The following PUS7L variants were observed in gnomAD, a reference collection of about 807,000 sequenced individuals.
PUS7L encodes pseudouridine synthase 7 like.
PUS7L carries 49 observed loss-of-function variants against 51.1 expected under a neutral mutation model. That is an observed-to-expected ratio of 0.96 (90% CI 0.76 to 1.22). PUS7L has a LOEUF of 1.22. Among genes scored for constraint, PUS7L ranks in the 50% most tolerant of loss-of-function variants. The probability of loss-of-function intolerance (pLI) is 0.00; values close to 1 mark genes in which losing one functional copy is unlikely to be tolerated. For synonymous variants in PUS7L, 277 were observed against 276.2 expected, an observed-to-expected ratio of 1.00 and a Z score of -0.03; for missense variants, 828 against 820.6, an observed-to-expected ratio of 1.01 and a Z score of -0.11.
intron 6 of PUS7L, among the ~76,000 whole-genome samples, chr12:43,737,345 A>G (rs975590117): frequency 9.9e-5 from 15 of 152,262 alleles, no homozygotes; most frequent in African/African-American, 3.4e-4. Context: ...TAAATTACTC[A>G]TAAGAGTTAG....
At chr12:43,751,382 G>A (rs1293940879) in intron 2 of PUS7L, among the ~76,000 whole-genome samples, 7 of 127,672 alleles carry the variant, frequency 5.5e-5, no homozygotes, top group East Asian at 2.3e-4. Context: ...AGTGTGTGAC[G>A]TTCCCCTTCC....
chr12:43,738,197 T>C, intron 6 of PUS7L, 113 bp downstream of exon 6: 2 of 696,196 alleles, frequency 2.9e-6, no homozygotes, highest in Non-Finnish European at 5.2e-6. Context: ...TAATATACTA[T>C]AATTTATTTC....
chr12:43,719,018 T>C lies in PUS7L; in HGVS notation c.*11358A>G, dbSNP rs1944364453. 6.6e-6 allele frequency: 1 copy of C among 151,312 alleles called. No homozygotes were observed. Among genetic ancestry groups the C allele is most frequent in the South Asian group, 2.1e-4 (1 of 4,806 alleles). 9.4% of individuals were successfully genotyped at this position (151,312 alleles called of 1,614,324 possible). On this transcript the variant is annotated 3_prime_UTR_variant, in exon 9 of 9. Transcript: ENST00000344862. ...ATGTTTTATAATATTTATTCTTGCATTCTAAAAAATTTGATACATAACAAT... is the reference window on the plus strand; with the variant it reads ...ATGTTTTATAATATTTATTCTTGCACTCTAAAAAATTTGATACATAACAAT...
rs765371884 is a variant in PUS7L, at chr12:43,724,132, G to T, written c.*6244C>A. 1.3e-5 allele frequency: 2 copies of T among 151,880 alleles called. No homozygotes were observed. The highest frequency in any genetic ancestry group is 2.9e-5 in the Non-Finnish European group (2 of 67,920). The allele number at this position is 151,880 out of a possible 1,614,324, so 9.4% of individuals were successfully genotyped here. A position where few individuals can be genotyped will look rare whatever the true frequency, so the allele number is the denominator to read the frequency against. On this transcript the variant is annotated 3_prime_UTR_variant, in exon 9 of 9. Transcript: ENST00000344862. ...TTCCTACCCTTACATTAATGTAAAAGACTTTGCATTAAATTATATAGAGTT... is the reference window on the plus strand; with the variant it reads ...TTCCTACCCTTACATTAATGTAAAATACTTTGCATTAAATTATATAGAGTT...
rs1404905669 is a variant in PUS7L at position 43,743,729 on chromosome 12, C to CTGG, written c.1264-1175_1264-1174insCCA. The stretch of plus-strand genomic sequence containing the variant: ...AGTGAGCCGAGATCGTGCCACTGCA[C>CTGG]TCCAGCCTGGGTGACAGAGCGAGAC... On this transcript the variant is annotated intron_variant, in intron 4 of 8. Coordinates refer to ENST00000344862, the MANE Select transcript of PUS7L (RefSeq NM_031292.5). Among the ~76,000 whole-genome samples, 13 of 151,872 alleles carry CTGG rather than the reference C, an allele frequency of 8.6e-5. No individual in the cohort carries two copies. The East Asian group carries it at 2.5e-3, about 29-fold the overall frequency.
At chr12:43,749,452 G>A (rs974094681) in intron 2 of PUS7L, among the ~76,000 whole-genome samples, 10 of 152,174 alleles carry the variant, frequency 6.6e-5, no homozygotes, top group African/African-American at 1.7e-4. Context: ...GGGAGGCTGA[G>A]GCAGAAGGAT....
In PUS7L at chr12:43,722,437, T is replaced by C. The variant is rs1285496011; in HGVS notation, c.*7939A>G. On this transcript the variant is annotated 3_prime_UTR_variant, in exon 9 of 9. Coordinates refer to ENST00000344862, the MANE Select transcript of PUS7L (RefSeq NM_031292.5). The stretch of plus-strand genomic sequence containing the variant: ...GAAGACATAAAAAATAGTCATCAAA[T>C]GTTTTCAATGCATTGGGATAATGCT... 6.6e-6 allele frequency: 1 copy of C among 152,142 alleles called. No homozygotes were observed. Among genetic ancestry groups the C allele is most frequent in the Admixed American group, 6.6e-5 (1 of 15,264 alleles). The allele number at this position is 152,142 out of a possible 1,614,324, so 9.4% of individuals were successfully genotyped here.
At chr12:43,732,421 T>C (rs1944579196) in intron 7 of PUS7L, among the ~76,000 whole-genome samples, 1 of 151,380 alleles carries the variant, frequency 6.6e-6, no homozygotes, top group Non-Finnish European at 1.5e-5. Flanking sequence ...CACTCCAGCC[T>C]GGGTGACAGA....
At position 43,730,482 on chromosome 12, in the gene PUS7L, C is replaced by T. The variant is rs773825501; in HGVS notation, c.2000G>A (p.Gly667Asp). The T allele has an allele frequency of 2.5e-6, 4 of 1,613,768 alleles. No individual in the cohort carries two copies. The South Asian group carries it at 3.3e-5, about 13-fold the overall frequency. Residue 667 changes from glycine to aspartate, a missense_variant, in exon 9 of 9, where the codon GGT becomes GAT. Transcript: ENST00000344862. ...CAAAGCTGTTTCATCAATGTGGGAA[C>T]CTTTCGTTTTGACATCAATGTCATG... is the stretch of plus-strand genomic sequence containing the variant. Reference protein sequence around the residue: ...EDHDIDVKTKGSHIDETALSL... With the variant: ...EDHDIDVKTKDSHIDETALSL...
chr12:43,743,769 A>G (rs1358395876), intron 4 of PUS7L, among the ~76,000 whole-genome samples: 2 of 152,232 alleles, frequency 1.3e-5, no homozygotes, highest in African/African-American at 4.8e-5. Flanking sequence ...TCTCAAAAAA[A>G]AAAAAATTAA....
In PUS7L at chr12:43,754,774, G is replaced by A. The variant is rs1386470652; in HGVS notation, c.472C>T (p.Pro158Ser). Residue 158 changes from proline (P) to serine (S), a missense_variant, in exon 2 of 9, where the codon CCT (proline) becomes TCT (serine). Coordinates refer to ENST00000344862, the MANE Select transcript of PUS7L (RefSeq NM_031292.5). ...WLSKTELIGL[P>S]PEFSIGRILD... is the part of the protein sequence containing the mutation. ...ATTCTGCCTATTGAGAATTCAGGAG[G>A]TAGTCCAATTAGCTCTGTTTTAGAA... The A allele has an allele frequency of 6.2e-7, 1 of 1,613,902 alleles. No individual in the cohort carries two copies.
In PUS7L at chr12:43,754,785, A is replaced by C; in HGVS notation, c.461T>G (p.Leu154Arg). The C allele has an allele frequency of 6.2e-7, 1 of 1,613,974 alleles. No homozygotes were observed. The highest frequency in any genetic ancestry group is 1.1e-5 in the South Asian group (1 of 91,082). ...VREKWLSKTE[L>R]IGLPPEFSIG... is the part of the protein sequence containing the mutation. The stretch of plus-strand genomic sequence containing the variant: ...TGAGAATTCAGGAGGTAGTCCAATT[A>C]GCTCTGTTTTAGAAAGCCACTTCTC... The change falls in exon 2 of 9, where the codon CTA (leucine) becomes CGA (arginine). Residue 154 changes from leucine (L) to arginine (R), a missense_variant. Leu to Arg is a moderately radical substitution (Grantham distance 102, BLOSUM62 -2). Coordinates refer to ENST00000344862, the MANE Select transcript of PUS7L (RefSeq NM_031292.5).
rs764135439 is a variant in PUS7L, at chr12:43,746,204, T to C, written c.1105A>G (p.Arg369Gly). ...GACCGAATATTAAAGACATTCATTC[T>C]TTTCTTTTCAATTTCTTTTTCAATA... ...KNIEKEIEKKRMNVFNIRSVD... is the reference protein window; with the variant it reads ...KNIEKEIEKKGMNVFNIRSVD... Residue 369 changes from arginine (R) to glycine (G), a missense_variant, in exon 4 of 9, where the codon AGA becomes GGA. Coordinates refer to ENST00000344862, the MANE Select transcript of PUS7L (RefSeq NM_031292.5). 1.4e-6 allele frequency: 2 copies of C among 1,460,426 alleles called. No homozygotes were observed. Among genetic ancestry groups the C allele is most frequent in the Non-Finnish European group, 1.9e-6 (2 of 1,069,362 alleles). 90.5% of individuals were successfully genotyped at this position (1,460,426 alleles called of 1,614,324 possible). A position where few individuals can be genotyped will look rare whatever the true frequency, so the allele number is the denominator to read the frequency against.
rs73278491 is a variant in PUS7L, at chr12:43,730,272, G to A, written c.*104C>T. 4.8e-3 allele frequency: 3,546 copies of A among 745,620 alleles called. 95 individuals are homozygous for A. In the African/African-American group the frequency reaches 0.053, roughly 11 times the overall value. 46.2% of individuals were successfully genotyped at this position (745,620 alleles called of 1,614,324 possible). On this transcript the variant is annotated 3_prime_UTR_variant, in exon 9 of 9. Transcript: ENST00000344862. ...TCAGGATGCTGTGAAAATTAAAAGA[G>A]ATAACAATTATGAAGTTCCTAACAC...
At chr12:43,742,954 C>T (rs117344023) in intron 4 of PUS7L, among the ~76,000 whole-genome samples, 2,798 of 152,184 alleles carry the variant, frequency 0.018, 55 homozygotes, top group South Asian at 0.071. Flanking sequence ...CTGGAGATGT[C>T]GGGAGTCAAG....
intron 2 of PUS7L, among the ~76,000 whole-genome samples, chr12:43,753,800 A>G (rs574411541): frequency 1.3e-5 from 2 of 152,254 alleles, no homozygotes; most frequent in South Asian, 4.1e-4. Context: ...TTTAACAAGA[A>G]CTTTTGATGA....
intron 4 of PUS7L, chr12:43,742,782 T>C (rs1937966585): frequency 2.9e-6 from 1 of 340,106 alleles, no homozygotes; most frequent in African/African-American, 2.2e-5. Flanking sequence ...ACTTTAAAAA[T>C]ACGTCAGCTT....
Position 43,747,388 on chromosome 12 carries a change from A to G in PUS7L, c.1070+1062T>C, listed in dbSNP as rs76719832. Among the ~76,000 whole-genome samples, 1,195 of 152,194 alleles carry G rather than the reference A, an allele frequency of 7.9e-3. 27 individuals carry two copies. In the East Asian group the frequency reaches 0.085, roughly 11 times the overall value. ...AAATATAAACTGTATATGCAGTATG[A>G]TTTTCATATATATAATAAATGTTGG... On this transcript the variant is annotated intron_variant, in intron 3 of 8. Coordinates refer to ENST00000344862, the MANE Select transcript of PUS7L (RefSeq NM_031292.5).
Position 43,723,840 on chromosome 12 carries a change from TTAAAC to T in PUS7L, c.*6531_*6535del, listed in dbSNP as rs1333685406. 2 of 152,042 alleles carry T rather than the reference TTAAAC, an allele frequency of 1.3e-5. No homozygotes were observed. Among genetic ancestry groups the T allele is most frequent in the African/African-American group, 4.8e-5 (2 of 41,410 alleles). 9.4% of individuals were successfully genotyped at this position (152,042 alleles called of 1,614,324 possible). ...AATCTATTAACACAGGCCCTAAACT[TTAAAC>T]TAGTTATCCTAGCTGCCATTGGTGC... On this transcript the variant is annotated 3_prime_UTR_variant, in exon 9 of 9. Transcript: ENST00000344862.
Sources: allele counts gnomAD v4.1 joint callset (sites outside exome capture counted in the v4.1 genomes callset), GRCh38; gene constraint gnomAD v4.1.1; transcripts MANE v1.5; gene names NCBI Gene and HGNC (gene_info 2026-07-23, HGNC 2026-07-21).